The following ZNF365 variants were observed in gnomAD, a reference collection of about 807,000 sequenced individuals.
ZNF365 encodes the protein protein ZNF365.
Under a neutral mutation model 35.0 loss-of-function variants are expected in ZNF365, and 22 were observed. That is an observed-to-expected ratio of 0.63 (90% CI 0.45 to 0.90). The LOEUF is 0.90. Ranked by LOEUF, ZNF365 falls within the 40% of genes least tolerant of loss-of-function variation. ZNF365 has a pLI of 0.00. For synonymous variants in ZNF365, 188 were observed against 196.2 expected (o/e 0.96, Z 0.35); for missense variants, 448 against 500.3 (o/e 0.90, Z 1.00).
exon 5 of ZNF365, chr10:62,480,032 T>G (rs1841197486): frequency 1.4e-6 from 2 of 1,433,188 alleles, no homozygotes; most frequent in Admixed American, 4.7e-5. Context: ...TACAAGAAAC[T>G]TGGGCTACTT....
At position 62,399,552 on chromosome 10, in the gene ZNF365, A is replaced by G. The variant is rs2132429015; in HGVS notation, c.987A>G (p.Val329=). 1 of 1,614,026 alleles carries G rather than the reference A, an allele frequency of 6.2e-7. No homozygotes were observed. The highest frequency in any genetic ancestry group is 8.5e-7 in the Non-Finnish European group (1 of 1,180,008). The change falls in exon 5 of 5, where the codon GTA becomes GTG. Residue 329 remains valine (V), a synonymous_variant. Coordinates refer to ENST00000395254, the MANE Select transcript of ZNF365 (RefSeq NM_014951.3). ...GAAGCCGAGGGCACCCGCATTCGGT[A>G]TGTAACCACCCTGATCTCAAGGCCC... ...KCLSRGHPHS[V]CNHPDLKAHF...
chr10:62,443,391 C>A (rs1020428155), intron 3 of ZNF365, among the ~76,000 whole-genome samples: 9 of 152,172 alleles, frequency 5.9e-5, no homozygotes, highest in African/African-American at 1.9e-4. Context: ...TGGTCAGTGA[C>A]CCTTTCAAAG....
intron 4 of ZNF365, among the ~76,000 whole-genome samples, chr10:62,468,531 A>T (rs1840981420): frequency 6.6e-6 from 1 of 152,246 alleles, no homozygotes; most frequent in Admixed American, 6.5e-5. Flanking sequence ...TGAAACAAGA[A>T]CAAACATCAA....
At chr10:62,449,300 G>T (rs1418924510) in intron 3 of ZNF365, among the ~76,000 whole-genome samples, 1 of 152,170 alleles carries the variant, frequency 6.6e-6, no homozygotes, top group African/African-American at 2.4e-5. Flanking sequence ...CAGAATAGAG[G>T]TTGTTTTGGG....
intron 3 of ZNF365, among the ~76,000 whole-genome samples, chr10:62,430,436 TC>T (rs1271530166): frequency 6.6e-6 from 1 of 152,120 alleles, no homozygotes; most frequent in Non-Finnish European, 1.5e-5. Context: ...CGCCTCGGCC[TC>T]CCAGAGTGCT....
intron 3 of ZNF365, among the ~76,000 whole-genome samples, chr10:62,439,092 G>A (rs1164978374): frequency 6.6e-6 from 1 of 152,070 alleles, no homozygotes; most frequent in Non-Finnish European, 1.5e-5. Context: ...TGCTGTTGTT[G>A]ATACTACACT....
intron 3 of ZNF365, among the ~76,000 whole-genome samples, chr10:62,415,968 A>T (rs906049537): frequency 6.6e-6 from 1 of 152,116 alleles, no homozygotes; most frequent in South Asian, 2.1e-4. Context: ...GAGTTAATCT[A>T]TATTTTATTC....
intron 2 of ZNF365, among the ~76,000 whole-genome samples, chr10:62,387,407 T>C (rs1839543441): frequency 6.6e-6 from 1 of 152,222 alleles, no homozygotes; most frequent in Non-Finnish European, 1.5e-5. Flanking sequence ...TTTCCTTTTT[T>C]ATATTTCTAA....
chr10:62,461,776 G>A (rs886092712), intron 4 of ZNF365, among the ~76,000 whole-genome samples: 2 of 152,034 alleles, frequency 1.3e-5, no homozygotes, highest in African/African-American at 4.8e-5. Flanking sequence ...TGAAGCTAAA[G>A]AACACAAAAG....
At chr10:62,406,280 A>G (rs1839903434), downstream of ZNF365, among the ~76,000 whole-genome samples, 1 of 151,888 alleles carries the variant, frequency 6.6e-6, no homozygotes, top group African/African-American at 2.4e-5. Context: ...TCATCTAGTT[A>G]ATTTCTGTTC....
chr10:62,397,434 A>G (rs1183962194), intron 3 of ZNF365, among the ~76,000 whole-genome samples: 2 of 152,058 alleles, frequency 1.3e-5, no homozygotes, highest in African/African-American at 4.8e-5. Context: ...TTTTCTCCAT[A>G]TTTTATTTGT....
chr10:62,408,030 G>A (rs1204004813), intron 3 of ZNF365, among the ~76,000 whole-genome samples: 1 of 152,180 alleles, frequency 6.6e-6, no homozygotes, highest in African/African-American at 2.4e-5. Context: ...CAGCTAGTCA[G>A]CATACAAATC....
intron 3 of ZNF365, among the ~76,000 whole-genome samples, chr10:62,445,926 C>T (rs1209363107): frequency 2.0e-5 from 3 of 152,142 alleles, no homozygotes; most frequent in African/African-American, 4.8e-5. Flanking sequence ...TAGTCTTAGG[C>T]ACCATGAACC....
chr10:62,446,150 C>T (rs756790672), intron 3 of ZNF365, among the ~76,000 whole-genome samples: 10 of 152,268 alleles, frequency 6.6e-5, no homozygotes, highest in South Asian at 2.1e-4. Context: ...TCAGGAGTCC[C>T]GCAGTTCTAT....
At chr10:62,382,806 G>C (rs1226546696) in intron 2 of ZNF365, among the ~76,000 whole-genome samples, 1 of 152,210 alleles carries the variant, frequency 6.6e-6, no homozygotes, top group Non-Finnish European at 1.5e-5. Flanking sequence ...TGTGGTTGAC[G>C]TTATGGTCTG....
At chr10:62,455,461 A>G (rs1032410369) in intron 3 of ZNF365, among the ~76,000 whole-genome samples, 13 of 152,220 alleles carry the variant, frequency 8.5e-5, no homozygotes, top group African/African-American at 3.1e-4. Context: ...CAATACAGAA[A>G]TTTGGAAACT....
intron 3 of ZNF365, among the ~76,000 whole-genome samples, chr10:62,413,710 T>A (rs1840025504): frequency 6.6e-6 from 1 of 152,206 alleles, no homozygotes; most frequent in African/African-American, 2.4e-5. Flanking sequence ...ATCTATTGAA[T>A]TGGAATCTGC....
intron 4 of ZNF365, among the ~76,000 whole-genome samples, chr10:62,468,690 C>A (rs188713849): frequency 6.6e-6 from 1 of 152,254 alleles, no homozygotes; most frequent in African/African-American, 2.4e-5. Context: ...AAGCCTTCAG[C>A]GGCAGACCAT....
intron 3 of ZNF365, among the ~76,000 whole-genome samples, chr10:62,458,032 C>T (rs980971589): frequency 2.6e-5 from 4 of 152,136 alleles, no homozygotes; most frequent in South Asian, 2.1e-4. Context: ...GGGGAGGGGA[C>T]GAAGGTTTCT....
Sources: allele counts gnomAD v4.1 joint callset (sites outside exome capture counted in the v4.1 genomes callset), GRCh38; gene constraint gnomAD v4.1.1; transcripts MANE v1.5; gene names NCBI Gene and HGNC (gene_info 2026-07-23, HGNC 2026-07-21).